ZC3H12B: variants seen among roughly 807,000 people sequenced by gnomAD.
ZC3H12B encodes the protein probable ribonuclease ZC3H12B.
A neutral mutation model predicts 43.9 loss-of-function variants in ZC3H12B; 7 were observed. That is an observed-to-expected ratio of 0.16 (90% CI 0.09 to 0.30). The LOEUF (loss-of-function observed/expected upper bound fraction) is 0.30. Ranked by LOEUF, ZC3H12B falls within the 10% of genes least tolerant of loss-of-function variation. ZC3H12B has a pLI of 1.00. For synonymous variants in ZC3H12B, 222 were observed against 241.7 expected (o/e 0.92, Z 0.76); for missense variants, 475 against 670.2 (o/e 0.71, Z 3.22).
intron 2 of ZC3H12B, among the ~76,000 whole-genome samples, chrX:65,375,160 C>A (rs2066328414): frequency 9.0e-6 from 1 of 111,490 alleles, no homozygotes; most frequent in Non-Finnish European, 1.9e-5. Flanking sequence ...GCGTTGAACT[C>A]AATTTTCACA....
At chrX:65,405,876 A>G (rs2066815438) in intron 3 of ZC3H12B, among the ~76,000 whole-genome samples, 1 of 111,813 alleles carries the variant, frequency 8.9e-6, no homozygotes, top group African/African-American at 3.2e-5. Context: ...ATATATGCCA[A>G]TGAGTTGGAA....
At chrX:65,066,603 C>T in the ZC3H12B span, among the ~76,000 whole-genome samples, 6 of 111,959 alleles carry the variant, frequency 5.4e-5, no homozygotes, top group Non-Finnish European at 1.1e-4. Flanking sequence ...ATCTCCTAGT[C>T]AGGAGGCATG....
At chrX:65,386,169 T>C (rs1005335276) in intron 2 of ZC3H12B, among the ~76,000 whole-genome samples, 2 of 112,190 alleles carry the variant, frequency 1.8e-5, no homozygotes, top group African/African-American at 6.5e-5. Flanking sequence ...ATAAAATGAA[T>C]TAGGGAGGAT....
intron 3 of ZC3H12B, among the ~76,000 whole-genome samples, chrX:65,479,427 G>A (rs779208676): frequency 1.6e-4 from 17 of 107,988 alleles, no homozygotes; most frequent in South Asian, 8.3e-4. Flanking sequence ...GAGTGCAATG[G>A]CGCAGTCTCA....
the ZC3H12B span, among the ~76,000 whole-genome samples, chrX:65,043,257 G>T: frequency 9.0e-6 from 1 of 110,501 alleles, no homozygotes; most frequent in African/African-American, 3.3e-5. Flanking sequence ...ATAAACTGTG[G>T]TGCATGGAAT....
chrX:65,158,515 A>T, the ZC3H12B span, among the ~76,000 whole-genome samples: 2 of 111,976 alleles, frequency 1.8e-5, no homozygotes, highest in Non-Finnish European at 3.8e-5. Flanking sequence ...CATTTCTCTG[A>T]TGGCCAGTGA....
At chrX:65,064,761 T>C in the ZC3H12B span, among the ~76,000 whole-genome samples, 59 of 111,796 alleles carry the variant, frequency 5.3e-4, no homozygotes, top group Middle Eastern at 4.6e-3. Flanking sequence ...CTCCCACTAT[T>C]ATTGTTTGGG....
At chrX:65,294,331 C>T in the ZC3H12B span, among the ~76,000 whole-genome samples, 1 of 111,614 alleles carries the variant, frequency 9.0e-6, no homozygotes, top group African/African-American at 3.3e-5. Context: ...ACCAAGCCAG[C>T]ACTACAAGAA....
At chrX:65,167,791 CTT>C in the ZC3H12B span, among the ~76,000 whole-genome samples, 1 of 111,560 alleles carries the variant, frequency 9.0e-6, no homozygotes, top group South Asian at 3.7e-4. Flanking sequence ...ATTTTATTCT[CTT>C]TGAAGCAATT....
chrX:65,237,604 A>G, the ZC3H12B span, among the ~76,000 whole-genome samples: 1 of 109,880 alleles, frequency 9.1e-6, no homozygotes, highest in Non-Finnish European at 1.9e-5. Flanking sequence ...TCTGTATCGA[A>G]TACGAGTTGT....
chrX:65,361,447 C>G, the ZC3H12B span, among the ~76,000 whole-genome samples: 1 of 111,981 alleles, frequency 8.9e-6, no homozygotes, highest in Non-Finnish European at 1.9e-5. Flanking sequence ...TCGAATAATG[C>G]CTTCAAATTG....
chrX:65,472,998 G>GTATATATATATATATATATATGTA, intron 3 of ZC3H12B, among the ~76,000 whole-genome samples: 1 of 77,775 alleles, frequency 1.3e-5, no homozygotes, highest in East Asian at 3.8e-4. Flanking sequence ...ATATATATAT[G>GTATATATATATATATATATATGTA]TATATATATA....
chrX:65,484,166 A>C (rs150799053), upstream of ZC3H12B, among the ~76,000 whole-genome samples: 411 of 111,481 alleles, frequency 3.7e-3, 1 homozygote, highest in African/African-American at 0.013. Flanking sequence ...CTTTGAGGAC[A>C]CATAGAGGGG....
intron 3 of ZC3H12B, among the ~76,000 whole-genome samples, chrX:65,450,975 A>G (rs1460224467): frequency 9.6e-6 from 1 of 103,946 alleles, no homozygotes; most frequent in Non-Finnish European, 2.0e-5. Flanking sequence ...TATTAATTCA[A>G]TTCTTTTGTT....
At chrX:65,343,636 T>G in the ZC3H12B span, among the ~76,000 whole-genome samples, 1 of 112,320 alleles carries the variant, frequency 8.9e-6, no homozygotes, top group African/African-American at 3.2e-5. Context: ...CCGCTTCATT[T>G]TAAAAACTCA....
chrX:65,178,916 C>G, the ZC3H12B span, among the ~76,000 whole-genome samples: 32 of 111,862 alleles, frequency 2.9e-4, no homozygotes, highest in Non-Finnish European at 5.3e-4. Flanking sequence ...GGGTATATAC[C>G]CAAAGGATTG....
the ZC3H12B span, among the ~76,000 whole-genome samples, chrX:65,172,576 T>C: frequency 8.9e-6 from 1 of 112,568 alleles, no homozygotes; most frequent in East Asian, 2.8e-4. Context: ...CTTAAGTTTT[T>C]AATCCATCTT....
chrX:65,158,188 T>G, the ZC3H12B span, among the ~76,000 whole-genome samples: 14 of 109,671 alleles, frequency 1.3e-4, no homozygotes, highest in African/African-American at 4.6e-4. Flanking sequence ...GACATTTCGG[T>G]TGGTTCCAAG....
At chrX:65,072,260 G>A in the ZC3H12B span, among the ~76,000 whole-genome samples, 7 of 112,168 alleles carry the variant, frequency 6.2e-5, no homozygotes, top group African/African-American at 2.3e-4. Flanking sequence ...ACTTGTGATT[G>A]CATTATGAAA....
Sources: gnomAD v4.1 joint callset for allele counts (sites outside exome capture counted in the v4.1 genomes callset) on GRCh38, gnomAD v4.1.1 for gene constraint, MANE v1.5 for transcripts, NCBI Gene and HGNC (gene_info 2026-07-23, HGNC 2026-07-21) for gene names.